The following MGAT4C variants were observed in gnomAD, a reference collection of about 807,000 sequenced individuals.
The protein encoded by MGAT4C is alpha-1,3-mannosyl-glycoprotein 4-beta-N-acetylglucosaminyltransferase C.
A neutral mutation model predicts 40.1 loss-of-function variants in MGAT4C; 19 were observed. That is an observed-to-expected ratio of 0.47 (90% CI 0.33 to 0.70). MGAT4C has a LOEUF of 0.70. Among genes scored for constraint, MGAT4C ranks in the 30% least tolerant of loss-of-function variants. The pLI is 0.02. For missense variants in MGAT4C, 491 were observed against 563.2 expected (o/e 0.87, Z 1.30); for synonymous variants, 181 against 187.1 (o/e 0.97, Z 0.27).
chr12:86,662,539 A>T (rs1343961843), intron 2 of MGAT4C, among the ~76,000 whole-genome samples: 1 of 152,230 alleles, frequency 6.6e-6, no homozygotes, highest in East Asian at 1.9e-4. Flanking sequence ...TTTTGTAATT[A>T]CAAAGTTGCA....
chr12:86,547,860 G>A (rs906516994), intron 2 of MGAT4C, among the ~76,000 whole-genome samples: 3 of 152,112 alleles, frequency 2.0e-5, no homozygotes, highest in African/African-American at 7.2e-5. Flanking sequence ...CAGAAGACAT[G>A]AATTCACTTT....
chr12:86,629,071 A>G (rs1243361578), intron 2 of MGAT4C, among the ~76,000 whole-genome samples: 1 of 152,172 alleles, frequency 6.6e-6, no homozygotes, highest in Non-Finnish European at 1.5e-5. Context: ...TCTACCAAGC[A>G]AATGGAAAGA....
intron 2 of MGAT4C, among the ~76,000 whole-genome samples, chr12:86,011,035 A>G (rs1444359045): frequency 6.6e-6 from 1 of 152,192 alleles, no homozygotes; most frequent in East Asian, 1.9e-4. Flanking sequence ...AACTGTAGAA[A>G]TACATTTCTG....
rs188170082 is a variant in MGAT4C at position 86,219,458 on chromosome 12, C to T, written c.-57+36781G>A. Among the ~76,000 whole-genome samples, 108 of 152,308 alleles carry T rather than the reference C, an allele frequency of 7.1e-4. 1 individual carries two copies. The highest frequency in any genetic ancestry group is 2.9e-3 in the Admixed American group (44 of 15,296). On this transcript the variant is annotated intron_variant, in intron 1 of 4. Coordinates refer to ENST00000611864, the MANE Select transcript of MGAT4C (RefSeq NM_001351288.2). ...AAAACGTCAGATGGTACATTTCTTG[C>T]ACCTGTTGGATCATTTGAACACTTA... is the stretch of plus-strand genomic sequence containing the variant.
At chr12:86,256,529 T>A (rs1273729936), upstream of MGAT4C, 1 of 152,160 alleles carries the variant, frequency 6.6e-6, no homozygotes, top group African/African-American at 2.4e-5. Context: ...GAAATGCACA[T>A]TTCTGACTAT....
chr12:86,379,779 T>C (rs1955895299), intron 3 of MGAT4C, among the ~76,000 whole-genome samples: 1 of 152,158 alleles, frequency 6.6e-6, no homozygotes. Context: ...TCAATAATCT[T>C]ATATCTGCTC....
At position 85,976,672 on chromosome 12, in the gene MGAT4C, ATATATATGTATATATGTAT is replaced by A; in HGVS notation, c.*2598_*2616del. On this transcript the variant is annotated 3_prime_UTR_variant, in exon 5 of 5. Coordinates refer to ENST00000611864, the MANE Select transcript of MGAT4C (RefSeq NM_001351288.2). ...TTATATATATATGTATATATATATT[ATATATATGTATATATGTAT>A]TATATATGTATATATATATAAACTT... The A allele has an allele frequency of 6.8e-6, 1 of 146,430 alleles. No homozygotes were observed. The highest frequency in any genetic ancestry group is 2.5e-5 in the African/African-American group (1 of 40,660). The allele number at this position is 146,430 out of a possible 1,614,324, so 9.1% of individuals were successfully genotyped here.
At chr12:86,087,718 G>C (rs1173328907) in intron 1 of MGAT4C, among the ~76,000 whole-genome samples, 1 of 151,880 alleles carries the variant, frequency 6.6e-6, no homozygotes, top group East Asian at 1.9e-4. Flanking sequence ...TGAAAGTTAT[G>C]AAACACTGCT....
chr12:86,565,095 T>C (rs1474678660), intron 2 of MGAT4C, among the ~76,000 whole-genome samples: 2 of 152,266 alleles, frequency 1.3e-5, no homozygotes, highest in East Asian at 3.9e-4. Context: ...ACTGAACATA[T>C]GAATATGGGT....
At position 86,690,191 on chromosome 12, in the gene MGAT4C, A is replaced by T. The variant is rs528467920; in HGVS notation, c.-229+37018T>A. 2.6e-5 allele frequency among the ~76,000 whole-genome samples: 4 copies of T among 152,240 alleles called. No individual in the cohort carries two copies. The South Asian group carries it at 8.3e-4, about 32-fold the overall frequency. On this transcript the variant is annotated intron_variant, in intron 2 of 7. Coordinates refer to the MGAT4C transcript ENST00000548651. Reference sequence around the variant, plus strand: ...TACCAAGCACCAGAGTCCCAGGTCGACTTCAGACTGCTGTGCTGGCAGCGG... The same window carrying T: ...TACCAAGCACCAGAGTCCCAGGTCGTCTTCAGACTGCTGTGCTGGCAGCGG...
intron 2 of MGAT4C, chr12:86,028,260 C>A: frequency 1.0e-6 from 1 of 971,688 alleles, no homozygotes; most frequent in Admixed American, 2.5e-5. Flanking sequence ...GCTCCTATTA[C>A]CTTCTCTTGC....
chr12:86,428,634 C>G (rs1357439820), intron 3 of MGAT4C, among the ~76,000 whole-genome samples: 1 of 152,160 alleles, frequency 6.6e-6, no homozygotes, highest in Non-Finnish European at 1.5e-5. Context: ...CTTTTTCTTA[C>G]TTATTATATT....
At chr12:86,076,530 A>T (rs1376379438) in intron 1 of MGAT4C, among the ~76,000 whole-genome samples, 2 of 152,216 alleles carry the variant, frequency 1.3e-5, no homozygotes, top group Non-Finnish European at 2.9e-5. Flanking sequence ...TGATAAAGAC[A>T]TACCGGAAAC....
rs1157679938 is a variant in MGAT4C, at chr12:86,376,790, CAGAG to C, written c.-119-42667_-119-42664del. Among the ~76,000 whole-genome samples the C allele has an allele frequency of 3.5e-3, 429 of 121,358 alleles. 2 individuals are homozygous for C. The highest frequency in any genetic ancestry group is 0.013 in the African/African-American group (408 of 31,716). 79.6% of individuals were successfully genotyped at this position (121,358 alleles called of 152,430 possible). A position where few individuals can be genotyped will look rare whatever the true frequency, so the allele number is the denominator to read the frequency against. The stretch of plus-strand genomic sequence containing the variant: ...AAAGAGCAAGAAAGAGAGAGAGAGA[CAGAG>C]AGAGAGAGACAGAGAGAGAGAGACA... On this transcript the variant is annotated intron_variant, in intron 3 of 7. Coordinates refer to the MGAT4C transcript ENST00000548651.
rs1291057687 is a variant in MGAT4C at position 85,971,047 on chromosome 12, C to A, written c.*8242G>T. ...GAGCAATATGTAAATTTCATTGCAA[C>A]AATGGTTATTCAATTTACTGATGAA... On this transcript the variant is annotated 3_prime_UTR_variant, in exon 5 of 5. Transcript: ENST00000611864. 6.6e-6 allele frequency: 1 copy of A among 150,788 alleles called. No homozygotes were observed. The highest frequency in any genetic ancestry group is 2.4e-5 in the African/African-American group (1 of 41,248). 9.3% of individuals were successfully genotyped at this position (150,788 alleles called of 1,614,324 possible).
intron 1 of MGAT4C, among the ~76,000 whole-genome samples, chr12:86,177,521 C>A (rs1459710083): frequency 1.3e-5 from 2 of 151,964 alleles, no homozygotes; most frequent in Non-Finnish European, 2.9e-5. Flanking sequence ...TTAGATTTCA[C>A]CCAATATCTA....
At chr12:86,510,198 T>C (rs1958548131) in intron 2 of MGAT4C, among the ~76,000 whole-genome samples, 1 of 151,996 alleles carries the variant, frequency 6.6e-6, no homozygotes, top group African/African-American at 2.4e-5. Context: ...GGCTGTGGGT[T>C]TGTCATAGAT....
chr12:86,011,938 C>G, intron 2 of MGAT4C: 6 of 815,520 alleles, frequency 7.4e-6, no homozygotes, highest in Non-Finnish European at 8.9e-6. Context: ...AGATGAGTTA[C>G]TTGAGCAGGA....
chr12:86,040,396 T>A (rs1891681783), intron 2 of MGAT4C, among the ~76,000 whole-genome samples: 1 of 152,334 alleles, frequency 6.6e-6, no homozygotes, highest in African/African-American at 2.4e-5. Flanking sequence ...AGTCCCTGAC[T>A]GGGGCTGCTG....
Sources: allele counts gnomAD v4.1 joint callset (sites outside exome capture counted in the v4.1 genomes callset), GRCh38; gene constraint gnomAD v4.1.1; transcripts MANE v1.5; gene names NCBI Gene and HGNC (gene_info 2026-07-23, HGNC 2026-07-21).